Variants in ADAMTS3 observed in about 807,000 individuals in gnomAD.
The protein encoded by ADAMTS3 is ADAM metallopeptidase with thrombospondin type 1 motif 3.
In ADAMTS3, 73 loss-of-function variants were observed where a neutral mutation model predicts 129.0. That is an observed-to-expected ratio of 0.57 (90% CI 0.47 to 0.69). The LOEUF is 0.69. Ranked by LOEUF, ADAMTS3 falls within the 30% of genes least tolerant of loss-of-function variation. The probability of loss-of-function intolerance (pLI) is 0.00; values close to 1 mark genes in which losing one functional copy is unlikely to be tolerated. For missense variants in ADAMTS3, 1,457 were observed against 1,514.5 expected, an observed-to-expected ratio of 0.96 and a Z score of 0.63; for synonymous variants, 477 against 510.8, an observed-to-expected ratio of 0.93 and a Z score of 0.89.
At chr4:72,521,441 T>A (rs1460198582) in intron 3 of ADAMTS3, among the ~76,000 whole-genome samples, 1 of 152,174 alleles carries the variant, frequency 6.6e-6, no homozygotes, top group African/African-American at 2.4e-5. Flanking sequence ...GAAATCAGTT[T>A]CAAAAGGTAT....
chr4:72,526,927 A>C (rs1192286171), intron 3 of ADAMTS3, among the ~76,000 whole-genome samples: 1 of 151,818 alleles, frequency 6.6e-6, no homozygotes, highest in African/African-American at 2.4e-5. Context: ...GTCTTCAGTG[A>C]AACACAGGAT....
At chr4:72,344,961 A>C (rs1156562324) in intron 4 of ADAMTS3, among the ~76,000 whole-genome samples, 5 of 152,150 alleles carry the variant, frequency 3.3e-5, no homozygotes, top group Non-Finnish European at 7.4e-5. Context: ...CACTGAATCT[A>C]GTCCTAAAAT....
intron 3 of ADAMTS3, among the ~76,000 whole-genome samples, chr4:72,423,635 C>A (rs1722500490): frequency 6.6e-6 from 1 of 151,854 alleles, no homozygotes; most frequent in East Asian, 1.9e-4. Context: ...TATACATGTG[C>A]CATGTTGGTT....
At chr4:72,325,160 T>G (rs922174990) in intron 5 of ADAMTS3, among the ~76,000 whole-genome samples, 12 of 152,084 alleles carry the variant, frequency 7.9e-5, no homozygotes, top group Non-Finnish European at 1.2e-4. Flanking sequence ...AAAAGGGGTT[T>G]GATTCATTGT....
intron 4 of ADAMTS3, among the ~76,000 whole-genome samples, chr4:72,402,613 A>T (rs576572171): frequency 6.6e-6 from 1 of 152,202 alleles, no homozygotes; most frequent in East Asian, 1.9e-4. Context: ...TATTAAAGAG[A>T]TATATGTTAG....
intron 4 of ADAMTS3, among the ~76,000 whole-genome samples, chr4:72,373,902 TAATAATAATAATAA>T (rs1721075260): frequency 0.045 from 1 of 22 alleles, no homozygotes; most frequent in African/African-American, 0.17. Flanking sequence ...CATCTCAAAA[TAATAATAATAATAA>T]TAATAATAAT....
At chr4:72,557,514 A>T (rs188658788) in intron 2 of ADAMTS3, among the ~76,000 whole-genome samples, 1 of 151,916 alleles carries the variant, frequency 6.6e-6, no homozygotes, top group African/African-American at 2.4e-5. Flanking sequence ...TTTTAATTGC[A>T]AATCTATTTT....
intron 3 of ADAMTS3, among the ~76,000 whole-genome samples, chr4:72,523,393 A>C (rs1290105442): frequency 6.6e-6 from 1 of 152,094 alleles, no homozygotes; most frequent in Non-Finnish European, 1.5e-5. Context: ...GCTATCCTAT[A>C]TATTTGATGG....
intron 3 of ADAMTS3, among the ~76,000 whole-genome samples, chr4:72,525,810 T>C (rs1720791270): frequency 6.6e-6 from 1 of 152,156 alleles, no homozygotes; most frequent in South Asian, 2.1e-4. Flanking sequence ...AGCTAGACTC[T>C]TATAACTAAA....
intron 4 of ADAMTS3, among the ~76,000 whole-genome samples, chr4:72,400,752 G>A (rs34599123): frequency 0.77 from 1,702 of 2,214 alleles, 775 homozygotes; most frequent in Middle Eastern, 1. Context: ...GCATAGATAT[G>A]CACACGGTGT....
intron 3 of ADAMTS3, among the ~76,000 whole-genome samples, chr4:72,476,254 G>T (rs931528824): frequency 2.0e-5 from 3 of 151,678 alleles, no homozygotes; most frequent in Non-Finnish European, 4.4e-5. Flanking sequence ...AAGAAAGGAG[G>T]CATGAGTTGT....
At chr4:72,428,845 A>G (rs554916598) in intron 3 of ADAMTS3, among the ~76,000 whole-genome samples, 131 of 152,164 alleles carry the variant, frequency 8.6e-4, no homozygotes, top group Non-Finnish European at 1.5e-3. Context: ...CTCCCAAGAC[A>G]TGAATTTGAA....
chr4:72,453,419 C>A (rs551756800), intron 3 of ADAMTS3, among the ~76,000 whole-genome samples: 49 of 151,782 alleles, frequency 3.2e-4, no homozygotes, highest in African/African-American at 9.6e-4. Flanking sequence ...AAGTATTTTA[C>A]ATATATTAAG....
intron 3 of ADAMTS3, among the ~76,000 whole-genome samples, chr4:72,498,382 T>C (rs923565539): frequency 1.4e-4 from 22 of 151,764 alleles, no homozygotes; most frequent in African/African-American, 5.3e-4. Flanking sequence ...ACTCAAACCA[T>C]CTTATATTGA....
intron 3 of ADAMTS3, among the ~76,000 whole-genome samples, chr4:72,416,820 T>G (rs1722317228): frequency 1.3e-5 from 2 of 152,198 alleles, no homozygotes; most frequent in Non-Finnish European, 1.5e-5. Flanking sequence ...CTTTCAACAC[T>G]CACTGCTATT....
At chr4:72,337,976 GA>G (rs1315632017) in intron 5 of ADAMTS3, among the ~76,000 whole-genome samples, 1 of 152,022 alleles carries the variant, frequency 6.6e-6, no homozygotes, top group Non-Finnish European at 1.5e-5. Context: ...GTAGCCCAGG[GA>G]CATAATGAAT....
At chr4:72,382,024 G>A (rs770773604) in intron 4 of ADAMTS3, among the ~76,000 whole-genome samples, 33 of 152,074 alleles carry the variant, frequency 2.2e-4, no homozygotes, top group South Asian at 4.1e-4. Flanking sequence ...TCAGTACAGC[G>A]AAGTGCTATG....
At chr4:72,507,715 A>T (rs1176981085) in intron 3 of ADAMTS3, among the ~76,000 whole-genome samples, 2 of 152,130 alleles carry the variant, frequency 1.3e-5, no homozygotes, top group Non-Finnish European at 2.9e-5. Context: ...GCACTATAAA[A>T]ATCCCACCAC....
chr4:72,391,789 T>C (rs536695105), intron 4 of ADAMTS3, among the ~76,000 whole-genome samples: 7 of 152,156 alleles, frequency 4.6e-5, no homozygotes, highest in Non-Finnish European at 8.8e-5. Flanking sequence ...AGTGAAAATA[T>C]TGAAAATATT....
Sources: allele counts gnomAD v4.1 joint callset (sites outside exome capture counted in the v4.1 genomes callset), GRCh38; gene constraint gnomAD v4.1.1; transcripts MANE v1.5; gene names NCBI Gene and HGNC (gene_info 2026-07-23, HGNC 2026-07-21).